The following CHODL variants were observed in gnomAD, a reference collection of about 807,000 sequenced individuals.
CHODL encodes chondrolectin.
In CHODL, 29 loss-of-function variants were observed where a neutral mutation model predicts 34.5. The observed-to-expected ratio is 0.84, with a 90% CI of 0.63 to 1.15. The LOEUF (loss-of-function observed/expected upper bound fraction) is 1.15. Among genes scored for constraint, CHODL ranks in the 50% most tolerant of loss-of-function variants. CHODL has a pLI of 0.00. For synonymous variants in CHODL, 125 were observed against 116.1 expected, an observed-to-expected ratio of 1.08 and a Z score of -0.49; for missense variants, 332 against 332.5, an observed-to-expected ratio of 1.00 and a Z score of 0.01.
intron 2 of CHODL, among the ~76,000 whole-genome samples, chr21:18,082,905 G>C (rs2064959231): frequency 6.7e-6 from 1 of 149,706 alleles, no homozygotes; most frequent in African/African-American, 2.5e-5. Context: ...TTTGCAGCCT[G>C]ACCATGTAGG....
intron 1 of CHODL, among the ~76,000 whole-genome samples, chr21:17,944,726 G>A (rs931799108): frequency 6.6e-6 from 1 of 152,232 alleles, no homozygotes; most frequent in Non-Finnish European, 1.5e-5. Flanking sequence ...GCCAGCTAGA[G>A]ATCGCATAAC....
At chr21:17,990,655 C>T (rs1427568109) in intron 1 of CHODL, among the ~76,000 whole-genome samples, 1 of 151,958 alleles carries the variant, frequency 6.6e-6, no homozygotes, top group East Asian at 1.9e-4. Flanking sequence ...GAAGGAATAA[C>T]ATTTTTTCCA....
chr21:18,196,265 T>A (rs1365992980), intron 2 of CHODL, among the ~76,000 whole-genome samples: 2 of 152,244 alleles, frequency 1.3e-5, no homozygotes, highest in Non-Finnish European at 2.9e-5. Flanking sequence ...TGGTATGTTA[T>A]ACACTATATC....
chr21:18,128,202 G>A (rs1163107934), intron 2 of CHODL, among the ~76,000 whole-genome samples: 3 of 149,712 alleles, frequency 2.0e-5, no homozygotes, highest in South Asian at 2.1e-4. Flanking sequence ...TAGGGAGGCC[G>A]AGGCAGGAGA....
At chr21:18,100,306 C>G (rs1366864116) in intron 2 of CHODL, among the ~76,000 whole-genome samples, 1 of 141,820 alleles carries the variant, frequency 7.1e-6, no homozygotes, top group Non-Finnish European at 1.6e-5. Context: ...GGAAGGCAAA[C>G]AGAAGTGAGC....
intron 2 of CHODL, among the ~76,000 whole-genome samples, chr21:18,218,767 T>C (rs2073855124): frequency 6.6e-6 from 1 of 152,270 alleles, no homozygotes; most frequent in South Asian, 2.1e-4. Context: ...CACAGATCTC[T>C]GGGGCAGGGA....
At chr21:18,025,151 C>G (rs2064162080) in intron 1 of CHODL, among the ~76,000 whole-genome samples, 1 of 151,980 alleles carries the variant, frequency 6.6e-6, no homozygotes, top group African/African-American at 2.4e-5. Context: ...ATTCAAAACA[C>G]CTAGCAATAA....
intron 2 of CHODL, among the ~76,000 whole-genome samples, chr21:18,061,445 T>A (rs1158539238): frequency 1.3e-5 from 2 of 152,192 alleles, no homozygotes; most frequent in Non-Finnish European, 2.9e-5. Flanking sequence ...GAATAACTGA[T>A]AGATGACAGA....
At chr21:17,961,289 T>C (rs918609937) in intron 1 of CHODL, among the ~76,000 whole-genome samples, 17 of 152,222 alleles carry the variant, frequency 1.1e-4, no homozygotes, top group African/African-American at 4.1e-4. Flanking sequence ...TCCATATGCA[T>C]ATCAGTTCAG....
intron 1 of CHODL, among the ~76,000 whole-genome samples, chr21:17,922,461 A>G (rs1291411480): frequency 6.6e-6 from 1 of 152,204 alleles, no homozygotes; most frequent in African/African-American, 2.4e-5. Flanking sequence ...AAAATAGATG[A>G]GGCTGAAGAA....
intron 1 of CHODL, among the ~76,000 whole-genome samples, chr21:17,924,612 C>T (rs1006791949): frequency 3.9e-5 from 6 of 152,206 alleles, no homozygotes; most frequent in African/African-American, 1.4e-4. Context: ...GAAGTTTTAA[C>T]TTGAAATGAG....
chr21:18,190,602 G>C (rs2073499167), intron 2 of CHODL, among the ~76,000 whole-genome samples: 1 of 152,200 alleles, frequency 6.6e-6, no homozygotes, highest in Non-Finnish European at 1.5e-5. Context: ...TTATTTCTTA[G>C]AAAACTTTAT....
rs752640406 is a variant in CHODL, at chr21:18,232,941, T to TTATATATATA, written c.-44-23568_-44-23567insTATATATATA. 5.5e-3 allele frequency among the ~76,000 whole-genome samples: 541 copies of TTATATATATA among 97,542 alleles called. 16 individuals are homozygous for TTATATATATA. The highest frequency in any genetic ancestry group is 0.012 in the African/African-American group (222 of 18,788). 64.0% of individuals were successfully genotyped at this position (97,542 alleles called of 152,430 possible). A position where few individuals can be genotyped will look rare whatever the true frequency, so the allele number is the denominator to read the frequency against. The stretch of plus-strand genomic sequence containing the variant: ...TAATTATGGGGTCCACATGATGTTA[T>TTATATATATA]GATATATATATATATATATATATAT... On this transcript the variant is annotated intron_variant, in intron 2 of 6. Transcript: ENST00000400127.
chr21:18,240,322 C>T (rs1048991930), upstream of CHODL, among the ~76,000 whole-genome samples: 5 of 151,994 alleles, frequency 3.3e-5, no homozygotes, highest in African/African-American at 9.7e-5. Flanking sequence ...TATGAAATAA[C>T]AGTATTTCTG....
chr21:18,132,098 T>C lies in CHODL; in HGVS notation c.-45+104127T>C, dbSNP rs1271197166. Among the ~76,000 whole-genome samples the C allele has an allele frequency of 2.0e-5, 3 of 152,132 alleles. No individual in the cohort carries two copies. In the East Asian group the frequency reaches 5.8e-4, roughly 29 times the overall value. On this transcript the variant is annotated intron_variant, in intron 2 of 6. Transcript: ENST00000400127. ...TGTCAAAGTTCTTTTTTTATTATTA[T>C]ACTTTAAGTTTTAGGGTATATGTGC...
At chr21:17,984,131 C>A (rs1243275972) in intron 1 of CHODL, among the ~76,000 whole-genome samples, 1 of 152,076 alleles carries the variant, frequency 6.6e-6, no homozygotes, top group Non-Finnish European at 1.5e-5. Context: ...TTTAGATACC[C>A]GATGTAAGTG....
intron 2 of CHODL, among the ~76,000 whole-genome samples, chr21:18,076,765 G>A (rs2064871795): frequency 6.6e-6 from 1 of 152,212 alleles, no homozygotes; most frequent in Non-Finnish European, 1.5e-5. Flanking sequence ...CAGCAAGGGT[G>A]GAGCCACTGG....
intron 1 of CHODL, among the ~76,000 whole-genome samples, chr21:17,922,677 G>A (rs2063191848): frequency 6.6e-6 from 1 of 152,152 alleles, no homozygotes; most frequent in South Asian, 2.1e-4. Flanking sequence ...TAGATTTCAG[G>A]AATGTGGGGT....
chr21:17,938,358 T>C (rs545934834), intron 1 of CHODL, among the ~76,000 whole-genome samples: 3 of 149,744 alleles, frequency 2.0e-5, no homozygotes, highest in African/African-American at 7.4e-5. Flanking sequence ...ATGCAGTAGA[T>C]ACAGTTGAAT....
Sources: allele counts gnomAD v4.1 joint callset (sites outside exome capture counted in the v4.1 genomes callset), GRCh38; gene constraint gnomAD v4.1.1; transcripts MANE v1.5; gene names NCBI Gene and HGNC (gene_info 2026-07-23, HGNC 2026-07-21).